Variants in KIF13A observed in about 807,000 individuals in gnomAD.
KIF13A encodes kinesin-like protein KIF13A.
KIF13A carries 79 observed loss-of-function variants against 212.2 expected under a neutral mutation model. The ratio of observed to expected loss-of-function variants is 0.37; its 90% CI spans 0.31 to 0.45. The LOEUF is 0.45. KIF13A is among the 20% of genes least tolerant of loss of function. KIF13A has a pLI of 1.00. For synonymous variants in KIF13A, 789 were observed against 808.6 expected, an observed-to-expected ratio of 0.98 and a Z score of 0.41; for missense variants, 1,901 against 2,209.0, an observed-to-expected ratio of 0.86 and a Z score of 2.79.
chr6:17,964,233 C>T (rs1477007990), intron 2 of KIF13A, among the ~76,000 whole-genome samples: 4 of 152,176 alleles, frequency 2.6e-5, no homozygotes, highest in Non-Finnish European at 5.9e-5. Flanking sequence ...TCTCTTCCTT[C>T]TCTTACAGCA....
chr6:17,800,248 A>G, intron 20 of KIF13A, 135 bp from the exon 21 acceptor site: 1 of 778,398 alleles, frequency 1.3e-6, no homozygotes, highest in Non-Finnish European at 2.0e-6. Context: ...CGGCAACGGG[A>G]GCCCTGCTAC....
At chr6:17,790,327 C>CG (rs1359604738) in intron 25 of KIF13A, among the ~76,000 whole-genome samples, 1 of 152,118 alleles carries the variant, frequency 6.6e-6, no homozygotes, top group Non-Finnish European at 1.5e-5. Context: ...ATCACTTGAG[C>CG]GGAGGAGATG....
chr6:17,892,563 A>C lies in KIF13A; in HGVS notation c.159+5605T>G, dbSNP rs894733656. 2.6e-5 allele frequency among the ~76,000 whole-genome samples: 4 copies of C among 152,202 alleles called. No homozygotes were observed. In the East Asian group the frequency reaches 7.7e-4, roughly 29 times the overall value. On this transcript the variant is annotated intron_variant, in intron 3 of 38. Transcript: ENST00000259711. The surrounding 1 kb of genome is among the most constrained non-coding windows in gnomAD (Gnocchi z 4.7). ...TGGCTGGGGTCCCCAGGTGGCTTCA[A>C]GATAGGGCTGCTTACCAGAAAGACC...
intron 17 of KIF13A, chr6:17,812,630 A>C (rs772074735): frequency 1.3e-5 from 2 of 152,216 alleles, no homozygotes; most frequent in Non-Finnish European, 2.9e-5. Context: ...ATAGCACTGC[A>C]ATGAATATAC....
rs533818013 is a variant in KIF13A at position 17,948,984 on chromosome 6, AAC to A, written c.146+38068_146+38069del. Among the ~76,000 whole-genome samples, 308 of 152,298 alleles carry A rather than the reference AAC, an allele frequency of 2.0e-3. 1 individual carries two copies. The highest frequency in any genetic ancestry group is 7.0e-3 in the African/African-American group (293 of 41,562). On this transcript the variant is annotated intron_variant, in intron 2 of 38. Transcript: ENST00000259711. ...AATAAATACTTTTCGACTAACAATA[AAC>A]AGTCTTTTGCCTTTCTTACATTATA... is the stretch of plus-strand genomic sequence containing the variant.
chr6:17,778,584 G>A (rs181096829), intron 33 of KIF13A, among the ~76,000 whole-genome samples: 40 of 152,268 alleles, frequency 2.6e-4, no homozygotes, highest in South Asian at 6.2e-4. Flanking sequence ...CTTTACATCC[G>A]ACTTTGTACC....
intron 34 of KIF13A, among the ~76,000 whole-genome samples, chr6:17,775,997 G>A (rs1391990549): frequency 6.6e-6 from 1 of 152,044 alleles, no homozygotes; most frequent in African/African-American, 2.4e-5. Context: ...TCCTGCCTCA[G>A]CCACCCGAGT....
intron 2 of KIF13A, among the ~76,000 whole-genome samples, chr6:17,943,497 C>G (rs1031771148): frequency 1.1e-4 from 17 of 151,474 alleles, no homozygotes; most frequent in Middle Eastern, 3.4e-3. Flanking sequence ...ATCCACCTGC[C>G]TCGGCCTCCC....
At chr6:17,845,712 A>G (rs962174300) in intron 9 of KIF13A, among the ~76,000 whole-genome samples, 1 of 152,186 alleles carries the variant, frequency 6.6e-6, no homozygotes, top group East Asian at 1.9e-4. Context: ...CAGGTGGAGC[A>G]GCAGATTGGC....
chr6:17,867,654 G>A (rs974329695), intron 4 of KIF13A, among the ~76,000 whole-genome samples: 7 of 152,188 alleles, frequency 4.6e-5, no homozygotes, highest in South Asian at 2.1e-4. Context: ...CAGAGCCTGT[G>A]CTTTTAACTA....
intron 3 of KIF13A, among the ~76,000 whole-genome samples, chr6:17,891,780 C>A (rs146715354): frequency 6.6e-6 from 1 of 152,156 alleles, no homozygotes; most frequent in East Asian, 1.9e-4. Flanking sequence ...AAGAAAGACA[C>A]CCAATTTGGG....
At chr6:17,885,134 G>A (rs1012103286) in intron 3 of KIF13A, among the ~76,000 whole-genome samples, 1 of 152,036 alleles carries the variant, frequency 6.6e-6, no homozygotes, top group Non-Finnish European at 1.5e-5. Context: ...AAAAGGAAGA[G>A]TTAAACTTCA....
At chr6:17,983,324 G>C (rs571681659) in intron 2 of KIF13A, among the ~76,000 whole-genome samples, 5 of 152,186 alleles carry the variant, frequency 3.3e-5, no homozygotes, top group Middle Eastern at 3.4e-3. Flanking sequence ...TTTCCGAGAG[G>C]TGAAGAGATG....
intron 31 of KIF13A, 97 bp from the exon 32 acceptor site, chr6:17,779,781 C>A (rs188128814): frequency 3.9e-6 from 2 of 508,084 alleles, no homozygotes; most frequent in Admixed American, 3.5e-5. Flanking sequence ...TCGCTGTCGC[C>A]CAGGCTGGAG....
At chr6:17,779,169 A>G in intron 32 of KIF13A, 70 bp from the exon 33 acceptor site, 1 of 1,348,986 alleles carries the variant, frequency 7.4e-7, no homozygotes. Context: ...GTGGTGAGAA[A>G]ACGTTTTAGA....
chr6:17,832,293 T>C (rs1295496337), intron 12 of KIF13A, among the ~76,000 whole-genome samples: 1 of 152,188 alleles, frequency 6.6e-6, no homozygotes, highest in Admixed American at 6.5e-5. Flanking sequence ...AAAGTTAAAA[T>C]ATAAACATAC....
At chr6:17,956,942 T>TAC (rs1232275765) in intron 2 of KIF13A, among the ~76,000 whole-genome samples, 1 of 152,034 alleles carries the variant, frequency 6.6e-6, no homozygotes, top group African/African-American at 2.4e-5. Flanking sequence ...AGTGCAGTGG[T>TAC]ACAATCTTGG....
In KIF13A at chr6:17,856,310, C is replaced by T. The variant is rs963517405; in HGVS notation, c.221-188G>A. Reference sequence around the variant, plus strand: ...TCATCCACACTTCTAAACTACAGCTCAGTACCTGGATACACTGTTTCCCTC... The same window carrying T: ...TCATCCACACTTCTAAACTACAGCTTAGTACCTGGATACACTGTTTCCCTC... On this transcript the variant is annotated intron_variant, in intron 4 of 38. Coordinates refer to ENST00000259711, the MANE Select transcript of KIF13A (RefSeq NM_022113.6). This position sits in a 1 kb window ranked among gnomAD's most constrained non-coding sequence, Gnocchi z 4.5. Among the ~76,000 whole-genome samples the T allele has an allele frequency of 1.3e-5, 2 of 152,158 alleles. No individual in the cohort carries two copies. Among genetic ancestry groups the T allele is most frequent in the Non-Finnish European group, 2.9e-5 (2 of 68,032 alleles).
At chr6:17,956,781 G>A (rs74852514) in intron 2 of KIF13A, among the ~76,000 whole-genome samples, 2,934 of 152,266 alleles carry the variant, frequency 0.019, 41 homozygotes, top group Non-Finnish European at 0.031. Context: ...TACTCTGGAG[G>A]AAGAAATGCT....
Sources: allele counts gnomAD v4.1 joint callset (sites outside exome capture counted in the v4.1 genomes callset), GRCh38; gene constraint gnomAD v4.1.1; non-coding constraint Gnocchi (gnomAD v3.1); transcripts MANE v1.5; gene names NCBI Gene and HGNC (gene_info 2026-07-23, HGNC 2026-07-21).